NREP: variants seen among roughly 807,000 people sequenced by gnomAD.
The protein encoded by NREP is neuronal regeneration-related protein.
A neutral mutation model predicts 8.6 loss-of-function variants in NREP; 5 were observed. That is an observed-to-expected ratio of 0.58 (90% CI 0.30 to 1.22). The LOEUF (loss-of-function observed/expected upper bound fraction) is 1.22, where lower values mean the gene tolerates loss of function less well. Among genes scored for constraint, NREP ranks in the 50% most tolerant of loss-of-function variants. The pLI, the probability that NREP is intolerant of heterozygous loss-of-function variation, is 0.07. For synonymous variants in NREP, 27 were observed against 28.0 expected (o/e 0.96, Z 0.11); for missense variants, 86 against 82.5 (o/e 1.04, Z -0.17).
At chr5:111,774,916 T>C (rs1751321559) in intron 2 of NREP, among the ~76,000 whole-genome samples, 1 of 152,186 alleles carries the variant, frequency 6.6e-6, no homozygotes, top group South Asian at 2.1e-4. Flanking sequence ...TAATTGGTTA[T>C]GGTTAAGAAG....
chr5:111,735,552 C>T, intron 2 of NREP, 45 bp from the exon 3 acceptor site: 4 of 1,415,840 alleles, frequency 2.8e-6, no homozygotes, highest in Non-Finnish European at 4.0e-6. Context: ...AAAACAGGAT[C>T]CACTCTGAAA....
intron 2 of NREP, among the ~76,000 whole-genome samples, chr5:111,939,702 G>A (rs558109986): frequency 5.9e-5 from 9 of 152,016 alleles, no homozygotes; most frequent in South Asian, 4.2e-4. Context: ...TTGAATTTTT[G>A]TGCTTTTTGT....
At chr5:111,795,023 G>A (rs1021901333) in intron 2 of NREP, among the ~76,000 whole-genome samples, 20 of 151,194 alleles carry the variant, frequency 1.3e-4, no homozygotes, top group South Asian at 2.1e-4. Context: ...AAAAAAAGCC[G>A]GAAAAATGTG....
At chr5:111,772,537 G>C (rs895166248) in intron 2 of NREP, among the ~76,000 whole-genome samples, 2 of 151,952 alleles carry the variant, frequency 1.3e-5, no homozygotes, top group East Asian at 3.9e-4. Flanking sequence ...TGGTTTGAGG[G>C]AACATCTTTA....
intron 2 of NREP, among the ~76,000 whole-genome samples, chr5:111,952,269 G>C (rs1756182573): frequency 6.6e-6 from 1 of 152,054 alleles, no homozygotes; most frequent in African/African-American, 2.4e-5. Context: ...TACACCTAAG[G>C]CCAGCCAGTT....
chr5:111,872,768 G>A (rs1753818716), intron 2 of NREP, among the ~76,000 whole-genome samples: 1 of 152,178 alleles, frequency 6.6e-6, no homozygotes, highest in South Asian at 2.1e-4. Flanking sequence ...ATTTGTGACA[G>A]AATTTGAAGT....
chr5:111,823,227 G>C (rs983837325), intron 2 of NREP, among the ~76,000 whole-genome samples: 1 of 152,070 alleles, frequency 6.6e-6, no homozygotes, highest in Non-Finnish European at 1.5e-5. Flanking sequence ...CTCCTCCAAG[G>C]GAAGACATTA....
Position 111,746,173 on chromosome 5 carries a change from T to C in NREP, c.3+9597A>G, listed in dbSNP as rs527834353. On this transcript the variant is annotated intron_variant, in intron 2 of 3. Transcript: ENST00000257435. Reference sequence around the variant, plus strand: ...TTAATTGGATTTCTGATTGAATTGATTGATTATGCCAGTGTAGACAGTCAA... The same window carrying C: ...TTAATTGGATTTCTGATTGAATTGACTGATTATGCCAGTGTAGACAGTCAA... Among the ~76,000 whole-genome samples the C allele has an allele frequency of 5.3e-5, 8 of 152,282 alleles. No individual in the cohort carries two copies. The South Asian group carries it at 1.5e-3, about 28-fold the overall frequency.
intron 2 of NREP, among the ~76,000 whole-genome samples, chr5:111,818,599 C>T (rs1258975732): frequency 3.3e-5 from 5 of 152,166 alleles, no homozygotes; most frequent in Non-Finnish European, 5.9e-5. Context: ...TATTGCATGA[C>T]TCTGAAGAAG....
At chr5:111,732,969 T>G (rs1748733771) in intron 3 of NREP, 1 of 152,226 alleles carries the variant, frequency 6.6e-6, no homozygotes, top group Admixed American at 6.5e-5. Context: ...TCTCTCTATT[T>G]AAATCTCAGT....
intron 2 of NREP, among the ~76,000 whole-genome samples, chr5:111,911,381 C>T (rs1287008523): frequency 6.6e-6 from 1 of 151,976 alleles, no homozygotes; most frequent in African/African-American, 2.4e-5. Flanking sequence ...GAAGCATTAC[C>T]TATTTGTTAG....
At chr5:111,745,544 A>C (rs1749948601) in intron 2 of NREP, among the ~76,000 whole-genome samples, 1 of 152,184 alleles carries the variant, frequency 6.6e-6, no homozygotes, top group Admixed American at 6.5e-5. Context: ...TGAACTCTCA[A>C]ACAGTTCCTT....
At chr5:111,850,796 G>T (rs2112467218) in intron 2 of NREP, among the ~76,000 whole-genome samples, 1 of 152,240 alleles carries the variant, frequency 6.6e-6, no homozygotes, top group Admixed American at 6.5e-5. Context: ...AGAACTGATG[G>T]AGGGTGTCTA....
intron 2 of NREP, among the ~76,000 whole-genome samples, chr5:111,939,356 G>A (rs894379348): frequency 1.3e-5 from 2 of 152,018 alleles, no homozygotes; most frequent in African/African-American, 4.8e-5. Context: ...GGCAGAGCCA[G>A]GACATCATAA....
intron 2 of NREP, among the ~76,000 whole-genome samples, chr5:111,848,698 T>A (rs1211077444): frequency 1.4e-5 from 2 of 144,664 alleles, no homozygotes; most frequent in East Asian, 4.7e-4. Flanking sequence ...AAAGACAATC[T>A]GACTAACTGT....
chr5:111,814,414 C>T (rs148792693), intron 2 of NREP, among the ~76,000 whole-genome samples: 212 of 152,134 alleles, frequency 1.4e-3, no homozygotes, highest in Middle Eastern at 3.4e-3. Context: ...ACATGCCATT[C>T]GAAGAGCTTA....
chr5:111,756,300 A>AAG, intron 1 of NREP: 1 of 903,188 alleles, frequency 1.1e-6, no homozygotes, highest in Non-Finnish European at 1.3e-6. Flanking sequence ...CGTGTTTAAA[A>AAG]AAAAAAAAAA....
At chr5:111,905,889 T>G (rs1424035109) in intron 2 of NREP, among the ~76,000 whole-genome samples, 2 of 152,118 alleles carry the variant, frequency 1.3e-5, no homozygotes, top group East Asian at 1.9e-4. Context: ...CATAAATCTC[T>G]GAAAAGTAAT....
chr5:111,917,458 C>T (rs1755095083), intron 2 of NREP, among the ~76,000 whole-genome samples: 1 of 152,152 alleles, frequency 6.6e-6, no homozygotes, highest in African/African-American at 2.4e-5. Context: ...CAAAAATCCT[C>T]AATAAAATAC....
Sources: allele counts gnomAD v4.1 joint callset (sites outside exome capture counted in the v4.1 genomes callset), GRCh38; gene constraint gnomAD v4.1.1; transcripts MANE v1.5; gene names NCBI Gene and HGNC (gene_info 2026-07-23, HGNC 2026-07-21).